The following LRRC8C variants were observed in gnomAD, a reference collection of about 807,000 sequenced individuals.
The protein encoded by LRRC8C is volume-regulated anion channel subunit LRRC8C.
Under a neutral mutation model 55.3 loss-of-function variants are expected in LRRC8C, and 20 were observed. That is an observed-to-expected ratio of 0.36 (90% CI 0.25 to 0.53). The LOEUF (loss-of-function observed/expected upper bound fraction) is 0.53. Ranked by LOEUF, LRRC8C falls within the 20% of genes least tolerant of loss-of-function variation. LRRC8C has a pLI of 0.92. For synonymous variants in LRRC8C, 376 were observed against 360.7 expected, an observed-to-expected ratio of 1.04 and a Z score of -0.48; for missense variants, 659 against 951.4, an observed-to-expected ratio of 0.69 and a Z score of 4.04.
Position 89,682,591 on chromosome 1 carries a change from G to A in LRRC8C, c.-4-3879G>A, listed in dbSNP as rs534396668. Among the ~76,000 whole-genome samples, 5 of 152,234 alleles carry A rather than the reference G, an allele frequency of 3.3e-5. 1 individual carries two copies. The South Asian group carries it at 1.0e-3, about 32-fold the overall frequency. On this transcript the variant is annotated intron_variant, in intron 1 of 2. Coordinates refer to ENST00000370454, the MANE Select transcript of LRRC8C (RefSeq NM_032270.5). Reference sequence around the variant, plus strand: ...GTTTTTTGCCTATTTCACTGATGGTGCAAAAACCATGGTTAGTAAGGCACC... The same window carrying A: ...GTTTTTTGCCTATTTCACTGATGGTACAAAAACCATGGTTAGTAAGGCACC...
intron 2 of LRRC8C, among the ~76,000 whole-genome samples, chr1:89,689,855 C>T (rs985716352): frequency 4.6e-5 from 7 of 151,906 alleles, no homozygotes; most frequent in Admixed American, 2.0e-4. Flanking sequence ...GCAGGAGAAT[C>T]GCCTGAACCC....
intron 1 of LRRC8C, among the ~76,000 whole-genome samples, chr1:89,685,412 G>GC (rs1335786995): frequency 2.0e-5 from 3 of 152,140 alleles, no homozygotes; most frequent in Non-Finnish European, 2.9e-5. Context: ...ACCGCGCCCG[G>GC]CCATTGTCTA....
the LRRC8C span, among the ~76,000 whole-genome samples, chr1:89,623,171 CACACACACACAT>C: frequency 2.0e-4 from 30 of 146,360 alleles, 1 homozygote; most frequent in African/African-American, 8.0e-4. Context: ...CACACACACA[CACACACACACAT>C]GCGCACACAC....
At chr1:89,668,053 G>A (rs1233319813) in intron 1 of LRRC8C, 1 of 152,488 alleles carries the variant, frequency 6.6e-6, no homozygotes, top group Non-Finnish European at 1.5e-5. Context: ...AATGTCATGG[G>A]GTAAAAGATG....
Position 89,719,311 on chromosome 1 carries a change from T to C in LRRC8C, c.*4329T>C, listed in dbSNP as rs1423546162. The C allele has an allele frequency of 6.6e-6, 1 of 152,212 alleles. No individual in the cohort carries two copies. The highest frequency in any genetic ancestry group is 1.5e-5 in the Non-Finnish European group (1 of 68,028). 9.4% of individuals were successfully genotyped at this position (152,212 alleles called of 1,614,324 possible). ...TCTTCCTCTTTAATGAATATTTTTA[T>C]TGGAGCTCAAACTCCATGACTTACG... On this transcript the variant is annotated 3_prime_UTR_variant, in exon 3 of 3. Transcript: ENST00000370454.
In LRRC8C at chr1:89,714,349, G is replaced by C; in HGVS notation, c.1779G>C (p.Glu593Asp). The change falls in exon 3 of 3, where the codon GAG becomes GAC. Residue 593 changes from glutamate (E) to aspartate (D), a missense_variant. Coordinates refer to ENST00000370454, the MANE Select transcript of LRRC8C (RefSeq NM_032270.5). This position sits in a 1 kb window ranked among gnomAD's most constrained non-coding sequence, Gnocchi z 4.6. ...TAAAGAAGATGACCAATCTGACAGA[G>C]CTGGAGCTGGTCCACTGTGACCTGG... is the stretch of plus-strand genomic sequence containing the variant. ...NNLKKMTNLT[E>D]LELVHCDLER... The C allele has an allele frequency of 6.2e-7, 1 of 1,614,190 alleles. No individual in the cohort carries two copies. Among genetic ancestry groups the C allele is most frequent in the Non-Finnish European group, 8.5e-7 (1 of 1,180,028 alleles).
In LRRC8C at chr1:89,713,350, C is replaced by T. The variant is rs897488614; in HGVS notation, c.780C>T (p.Ala260=). The change falls in exon 3 of 3, where the codon GCC becomes GCT. Residue 260 remains alanine, a synonymous_variant. Coordinates refer to ENST00000370454, the MANE Select transcript of LRRC8C (RefSeq NM_032270.5). This position sits in a 1 kb window ranked among gnomAD's most constrained non-coding sequence, Gnocchi z 5.2. ...LHVEEGDILY[A]MYVRQTVLKV... The stretch of plus-strand genomic sequence containing the variant: ...TGGAAGAAGGTGATATTCTATATGC[C>T]ATGTATGTTCGCCAGACTGTACTTA... 3 of 1,614,186 alleles carry T rather than the reference C, an allele frequency of 1.9e-6. No individual in the cohort carries two copies. The highest frequency in any genetic ancestry group is 2.5e-6 in the Non-Finnish European group (3 of 1,180,046).
At chr1:89,707,954 G>A (rs112596424) in intron 2 of LRRC8C, among the ~76,000 whole-genome samples, 2,557 of 151,944 alleles carry the variant, frequency 0.017, 85 homozygotes, top group African/African-American at 0.058. Flanking sequence ...CCTTCACTTA[G>A]ACATTTTCCT....
the LRRC8C span, among the ~76,000 whole-genome samples, chr1:89,623,677 G>A: frequency 1.3e-5 from 2 of 152,032 alleles, no homozygotes; most frequent in Non-Finnish European, 2.9e-5. Flanking sequence ...AGCCGAGATC[G>A]TGCCACTGCA....
At chr1:89,689,556 GT>G (rs1487620791) in intron 2 of LRRC8C, among the ~76,000 whole-genome samples, 27 of 152,198 alleles carry the variant, frequency 1.8e-4, no homozygotes, top group Admixed American at 1.8e-3. Context: ...GAATTAAATG[GT>G]TTGAGTAGGG....
At chr1:89,688,724 A>G (rs1246332827) in intron 2 of LRRC8C, among the ~76,000 whole-genome samples, 1 of 152,198 alleles carries the variant, frequency 6.6e-6, no homozygotes. Context: ...TTCCCCGGAG[A>G]CCTGATAAAG....
chr1:89,681,912 G>A (rs879821454), intron 1 of LRRC8C, among the ~76,000 whole-genome samples: 1 of 152,104 alleles, frequency 6.6e-6, no homozygotes, highest in Non-Finnish European at 1.5e-5. Context: ...ATGCGGCTGG[G>A]CACGCCTGTA....
At chr1:89,703,122 G>A (rs557590616) in intron 2 of LRRC8C, among the ~76,000 whole-genome samples, 26 of 152,202 alleles carry the variant, frequency 1.7e-4, no homozygotes, top group African/African-American at 6.0e-4. Context: ...ATATGGAGTA[G>A]GATTAATCCA....
At chr1:89,679,047 C>T (rs141539666) in intron 1 of LRRC8C, among the ~76,000 whole-genome samples, 1 of 152,010 alleles carries the variant, frequency 6.6e-6, no homozygotes, top group East Asian at 1.9e-4. Context: ...ACATTGAGGC[C>T]AGATGCAATC....
intron 2 of LRRC8C, among the ~76,000 whole-genome samples, chr1:89,706,115 A>C (rs555317245): frequency 6.6e-6 from 1 of 152,266 alleles, no homozygotes; most frequent in South Asian, 2.1e-4. Context: ...TATATGTCTC[A>C]TTCCTGTGCT....
chr1:89,701,925 A>C (rs889551542), intron 2 of LRRC8C, among the ~76,000 whole-genome samples: 2 of 152,200 alleles, frequency 1.3e-5, no homozygotes, highest in African/African-American at 4.8e-5. Flanking sequence ...AGCTCCTGCT[A>C]GTAAAGGGAA....
intron 1 of LRRC8C, among the ~76,000 whole-genome samples, chr1:89,684,423 T>C (rs17130854): frequency 0.045 from 6,890 of 152,304 alleles, 506 homozygotes; most frequent in African/African-American, 0.16. Flanking sequence ...TGGATGAGCA[T>C]TGCTTCACGA....
At position 89,714,017 on chromosome 1, in the gene LRRC8C, A is replaced by G. The variant is rs1242723162; in HGVS notation, c.1447A>G (p.Ser483Gly). The change falls in exon 3 of 3, where the codon AGT (serine) becomes GGT (glycine). Residue 483 changes from serine to glycine, a missense_variant. Around this residue, in one of 5 missense-constraint regions of LRRC8C, gnomAD observed 344 missense variants for 464.6 expected, o/e 0.74. Transcript: ENST00000370454. This position sits in a 1 kb window ranked among gnomAD's most constrained non-coding sequence, Gnocchi z 4.6. ...GCACCAGTGTTCTGTCAAAATCCAC[A>G]GTGCGGCGCTCTCTTTCCTGAAGGA... ...SLHQCSVKIH[S>G]AALSFLKENL... is the part of the protein sequence containing the mutation. The G allele has an allele frequency of 9.9e-6, 16 of 1,613,494 alleles. No homozygotes were observed. Among genetic ancestry groups the G allele is most frequent in the Admixed American group, 1.7e-5 (1 of 60,016 alleles).
rs778813629 is a variant in LRRC8C, at chr1:89,713,129, G to C, written c.559G>C (p.Asp187His). 6.2e-7 allele frequency: 1 copy of C among 1,613,882 alleles called. No individual in the cohort carries two copies. The highest frequency in any genetic ancestry group is 1.1e-5 in the South Asian group (1 of 91,088). ...GTCTGGGGAGGACTCAGAAGAAAAG[G>C]ACAACAGGAAGAACAACATGAACAG... ...EVSGEDSEEK[D>H]NRKNNMNRSN... The change falls in exon 3 of 3, where the codon GAC becomes CAC. Residue 187 changes from aspartate to histidine, a missense_variant. Physicochemically the swap from Asp to His is moderately conservative, Grantham distance 81. Around this residue, in one of 5 missense-constraint regions of LRRC8C, gnomAD observed 200 missense variants for 360.5 expected, o/e 0.55. Transcript: ENST00000370454. The surrounding 1 kb of genome is among the most constrained non-coding windows in gnomAD (Gnocchi z 5.2).
Sources: allele counts gnomAD v4.1 joint callset (sites outside exome capture counted in the v4.1 genomes callset), GRCh38; gene constraint gnomAD v4.1.1; regional missense constraint gnomAD v4.1.1; non-coding constraint Gnocchi (gnomAD v3.1); transcripts MANE v1.5; gene names NCBI Gene and HGNC (gene_info 2026-07-23, HGNC 2026-07-21).